The following LOC400499 variants were observed in gnomAD, a reference collection of about 807,000 sequenced individuals.
the LOC400499 span, among the ~76,000 whole-genome samples, chr16:11,451,649 G>C: frequency 6.6e-6 from 1 of 152,182 alleles, no homozygotes; most frequent in East Asian, 1.9e-4. Flanking sequence ...GAAGGAATTT[G>C]ATAAAAATTG....
At chr16:11,381,921 G>A in the LOC400499 span, among the ~76,000 whole-genome samples, 4 of 151,596 alleles carry the variant, frequency 2.6e-5, no homozygotes, top group African/African-American at 9.7e-5. Context: ...GACTCTAAAG[G>A]GTCCTGTGTC....
At chr16:11,416,847 G>T in the LOC400499 span, among the ~76,000 whole-genome samples, 1 of 152,140 alleles carries the variant, frequency 6.6e-6, no homozygotes, top group Non-Finnish European at 1.5e-5. Context: ...AGAATAGCAA[G>T]GAGTGGAACA....
the LOC400499 span, among the ~76,000 whole-genome samples, chr16:11,426,578 A>G: frequency 6.6e-6 from 1 of 152,024 alleles, no homozygotes; most frequent in African/African-American, 2.4e-5. Flanking sequence ...ATTCAATATT[A>G]TATACTGTAT....
the LOC400499 span, chr16:11,391,616 G>C: frequency 1.1e-5 from 14 of 1,221,506 alleles, no homozygotes; most frequent in Admixed American, 3.8e-4. Flanking sequence ...GGTGGAGAGG[G>C]GGGACATTGA....
the LOC400499 span, chr16:11,396,491 GC>G: frequency 1.6e-6 from 2 of 1,232,058 alleles, no homozygotes; most frequent in Admixed American, 8.4e-5. Flanking sequence ...GGGACTGTCA[GC>G]CCCATCCTGG....
the LOC400499 span, chr16:11,439,676 T>C: frequency 5.0e-6 from 2 of 397,774 alleles, no homozygotes; most frequent in Non-Finnish European, 8.9e-6. Context: ...TCCCAGAATA[T>C]GCCCAAAGCT....
chr16:11,509,629 G>C, the LOC400499 span, among the ~76,000 whole-genome samples: 5 of 151,330 alleles, frequency 3.3e-5, no homozygotes, highest in Non-Finnish European at 2.9e-5. Flanking sequence ...TCAGGAGTTC[G>C]AGACCAGCCT....
chr16:11,458,440 G>C, the LOC400499 span, among the ~76,000 whole-genome samples: 2 of 151,828 alleles, frequency 1.3e-5, no homozygotes, highest in East Asian at 3.9e-4. Context: ...GGGAGGCGGA[G>C]GTTGCAGTGA....
chr16:11,392,367 G>A, the LOC400499 span: 1 of 398,910 alleles, frequency 2.5e-6, no homozygotes, highest in East Asian at 3.6e-5. Context: ...GCCAGCAGGA[G>A]ACTCTGGTTG....
the LOC400499 span, chr16:11,519,077 C>A: frequency 2.5e-6 from 1 of 397,840 alleles, no homozygotes; most frequent in Non-Finnish European, 4.4e-6. Context: ...ATACATGAAC[C>A]CATGTTGGGG....
chr16:11,396,753 T>TGCA, the LOC400499 span: 1 of 1,163,182 alleles, frequency 8.6e-7, no homozygotes, highest in Admixed American at 4.2e-5. Context: ...GCACCGAGAA[T>TGCA]GCAGCAGCAG....
chr16:11,394,359 G>T, the LOC400499 span, among the ~76,000 whole-genome samples: 1 of 152,198 alleles, frequency 6.6e-6, no homozygotes, highest in Non-Finnish European at 1.5e-5. Context: ...AGGGGAGGGA[G>T]CCTCAGCTAC....
chr16:11,489,153 C>G, the LOC400499 span, among the ~76,000 whole-genome samples: 2 of 152,194 alleles, frequency 1.3e-5, no homozygotes, highest in African/African-American at 4.8e-5. Context: ...GAGTCTGAAT[C>G]CAGTCCCAAA....
chr16:11,387,232 G>A, the LOC400499 span: 28 of 1,232,234 alleles, frequency 2.3e-5, no homozygotes, highest in African/African-American at 3.1e-5. Flanking sequence ...TGGTCACCCG[G>A]GCCACGTCCA....
chr16:11,390,926 C>T, the LOC400499 span, among the ~76,000 whole-genome samples: 1 of 152,196 alleles, frequency 6.6e-6, no homozygotes. Context: ...TGTGTGAAAG[C>T]GCTGGGACTG....
the LOC400499 span, among the ~76,000 whole-genome samples, chr16:11,518,732 G>A: frequency 6.6e-6 from 1 of 152,124 alleles, no homozygotes; most frequent in East Asian, 1.9e-4. Context: ...AAACTTCTTT[G>A]AACTTCAGTC....
the LOC400499 span, among the ~76,000 whole-genome samples, chr16:11,378,705 G>T: frequency 6.6e-6 from 1 of 152,154 alleles, no homozygotes; most frequent in Non-Finnish European, 1.5e-5. Context: ...CACTGGTTTT[G>T]TAGTATGTTG....
chr16:11,407,834 T>C, the LOC400499 span, among the ~76,000 whole-genome samples: 41 of 152,034 alleles, frequency 2.7e-4, no homozygotes, highest in African/African-American at 9.2e-4. Flanking sequence ...GCTGCGAAAA[T>C]TGTATGAAAT....
chr16:11,485,829 G>C, the LOC400499 span, among the ~76,000 whole-genome samples: 1 of 152,228 alleles, frequency 6.6e-6, no homozygotes, highest in Non-Finnish European at 1.5e-5. Context: ...ATGGATAATA[G>C]ATGGATGTGT....
Sources: gnomAD v4.1 joint callset for allele counts (sites outside exome capture counted in the v4.1 genomes callset) on GRCh38, gnomAD v4.1.1 for gene constraint, MANE v1.5 for transcripts.